Variants in NTAN1 observed in about 807,000 individuals in gnomAD.
NTAN1 encodes N-terminal asparagine amidase.
In NTAN1, 32 loss-of-function variants were observed where a neutral mutation model predicts 41.9. The ratio of observed to expected loss-of-function variants is 0.76; its 90% CI spans 0.58 to 1.03. NTAN1 has a LOEUF of 1.03. Ranked by LOEUF, NTAN1 falls within the 50% of genes least tolerant of loss-of-function variation. The pLI is 0.00. For synonymous variants in NTAN1, 140 were observed against 139.5 expected, an observed-to-expected ratio of 1.00 and a Z score of -0.03; for missense variants, 377 against 377.5, an observed-to-expected ratio of 1.00 and a Z score of 0.01.
Position 15,047,963 on chromosome 16 carries a change from G to C in NTAN1, c.184+34C>G. On this transcript the variant is annotated intron_variant, in intron 2 of 9. Transcript: ENST00000287706. Reference sequence around the variant, plus strand: ...AAAATAAAATATCCAATAGCCTTTTGGGATAACGCCCAATTCACTGCTTCC... The same window carrying C: ...AAAATAAAATATCCAATAGCCTTTTCGGATAACGCCCAATTCACTGCTTCC... 3.1e-6 allele frequency: 5 copies of C among 1,602,958 alleles called. No individual in the cohort carries two copies. In the South Asian group the frequency reaches 4.4e-5, roughly 14 times the overall value.
intron 1 of NTAN1, among the ~76,000 whole-genome samples, chr16:15,053,682 G>C (rs1416239864): frequency 1.3e-5 from 2 of 152,102 alleles, no homozygotes; most frequent in Non-Finnish European, 1.5e-5. Context: ...AGGCCGAGAC[G>C]GGCAGATCAC....
Position 15,047,394 on chromosome 16 carries a change from G to A in NTAN1, c.359+48C>T, listed in dbSNP as rs755975025. The A allele has an allele frequency of 8.7e-5, 108 of 1,235,108 alleles. 1 individual carries two copies. The East Asian group carries it at 2.1e-3, about 24-fold the overall frequency. 76.5% of individuals were successfully genotyped at this position (1,235,108 alleles called of 1,614,324 possible). ...GCTTCCACAGCCACGTCCTGTATGC[G>A]ACGGTTCCAAGATCTCAATTCACCT... On this transcript the variant is annotated intron_variant, in intron 4 of 9. Coordinates refer to ENST00000287706, the MANE Select transcript of NTAN1 (RefSeq NM_173474.4).
rs1344773153 is a variant in NTAN1 at position 15,047,840 on chromosome 16, C to T, written c.250+15G>A. 1 of 1,603,564 alleles carries T rather than the reference C, an allele frequency of 6.2e-7. No individual in the cohort carries two copies. Among genetic ancestry groups the T allele is most frequent in the Admixed American group, 1.7e-5 (1 of 60,002 alleles). On this transcript the variant is annotated intron_variant, in intron 3 of 9. Coordinates refer to ENST00000287706, the MANE Select transcript of NTAN1 (RefSeq NM_173474.4). Reference sequence around the variant, plus strand: ...TCAGTTTAAGTAATGGTTTCCTTCACCTCTCTCATCATACCTGTGTGCCTC... The same window carrying T: ...TCAGTTTAAGTAATGGTTTCCTTCATCTCTCTCATCATACCTGTGTGCCTC...
intron 1 of NTAN1, among the ~76,000 whole-genome samples, chr16:15,054,477 T>C (rs987081830): frequency 9.2e-5 from 14 of 152,180 alleles, no homozygotes; most frequent in Non-Finnish European, 2.9e-5. Context: ...CGGCTGAAAT[T>C]ATTTTTCCTT....
rs1340671170 is a variant in NTAN1 at position 15,051,391 on chromosome 16, C to CT, written c.82-3293dup. 2.4e-4 allele frequency among the ~76,000 whole-genome samples: 37 copies of CT among 152,372 alleles called. No individual in the cohort carries two copies. In the East Asian group the frequency reaches 3.7e-3, roughly 15 times the overall value. On this transcript the variant is annotated intron_variant, in intron 1 of 9. Transcript: ENST00000287706. ...CTTTTTTTAAACAGGGTCTTACTGT[C>CT]TCCCAGGCTGGAGTGCAGCGGCGAG...
intron 1 of NTAN1, among the ~76,000 whole-genome samples, chr16:15,053,901 A>G (rs970453636): frequency 1.3e-5 from 2 of 152,130 alleles, no homozygotes; most frequent in African/African-American, 4.8e-5. Context: ...CACAGAACAA[A>G]ACTAAGTCTC....
chr16:15,045,627 CAA>C (rs1317421215), intron 4 of NTAN1: 1 of 152,386 alleles, frequency 6.6e-6, no homozygotes, highest in Non-Finnish European at 1.5e-5. Context: ...CAAAACAAAA[CAA>C]AAAGACTGGG....
intron 1 of NTAN1, among the ~76,000 whole-genome samples, chr16:15,051,383 C>T (rs1360553395): frequency 6.6e-6 from 1 of 152,228 alleles, no homozygotes; most frequent in Non-Finnish European, 1.5e-5. Context: ...TAAACAGGGT[C>T]TTACTGTCTC....
chr16:15,047,335 C>G, intron 4 of NTAN1, 107 bp downstream of exon 4: 1 of 762,440 alleles, frequency 1.3e-6, no homozygotes, highest in South Asian at 1.5e-5. Flanking sequence ...ACGAGGCAGA[C>G]ACGGCAGTGG....
At chr16:15,054,648 CGTCA>C (rs1393074854) in intron 1 of NTAN1, among the ~76,000 whole-genome samples, 2 of 152,160 alleles carry the variant, frequency 1.3e-5, no homozygotes, top group Non-Finnish European at 2.9e-5. Flanking sequence ...GCCTTCTCCC[CGTCA>C]GTAAGTCCTT....
At chr16:15,044,717 C>T in intron 4 of NTAN1, 1 of 391,966 alleles carries the variant, frequency 2.6e-6, no homozygotes, top group Non-Finnish European at 4.6e-6. Flanking sequence ...GGTGCAGTGG[C>T]TCACATCTGT....
At chr16:15,054,174 C>T (rs2044407178) in intron 1 of NTAN1, among the ~76,000 whole-genome samples, 1 of 152,326 alleles carries the variant, frequency 6.6e-6, no homozygotes, top group East Asian at 1.9e-4. Context: ...CCTCACCCTT[C>T]TTCTCCTTTT....
At position 15,055,910 on chromosome 16, in the gene NTAN1, C is replaced by T. The variant is rs1293766885; in HGVS notation, c.62G>A (p.Arg21Gln). 1.1e-5 allele frequency: 13 copies of T among 1,232,168 alleles called. No individual in the cohort carries two copies. The highest frequency in any genetic ancestry group is 3.1e-5 in the African/African-American group (2 of 64,294). 76.3% of individuals were successfully genotyped at this position (1,232,168 alleles called of 1,614,324 possible). A position where few individuals can be genotyped will look rare whatever the true frequency, so the allele number is the denominator to read the frequency against. ...RLPQSAGDLVRAHPPLEERAR... is the reference protein window; with the variant it reads ...RLPQSAGDLVQAHPPLEERAR... ...ACTCACCTCCAAAGGCGGGTGGGCT[C>T]GGACGAGGTCCCCGGCTGACTGCGG... The change falls in exon 1 of 10, where the codon CGA becomes CAA. Residue 21 changes from arginine (R) to glutamine (Q), a missense_variant. Coordinates refer to ENST00000287706, the MANE Select transcript of NTAN1 (RefSeq NM_173474.4).
chr16:15,043,578 C>T (rs1242278593), intron 5 of NTAN1, among the ~76,000 whole-genome samples: 2 of 152,194 alleles, frequency 1.3e-5, no homozygotes, highest in African/African-American at 4.8e-5. Context: ...GCTGTACCAT[C>T]ATATGAGTAA....
chr16:15,044,661 T>C (rs1363465974), intron 4 of NTAN1: 12 of 541,400 alleles, frequency 2.2e-5, no homozygotes, highest in South Asian at 1.9e-4. Flanking sequence ...GCCGCCTCCA[T>C]GCACCAGTGG....
At chr16:15,053,834 C>G (rs921560437) in intron 1 of NTAN1, among the ~76,000 whole-genome samples, 1 of 152,154 alleles carries the variant, frequency 6.6e-6, no homozygotes, top group Non-Finnish European at 1.5e-5. Flanking sequence ...TCGCTTGAAC[C>G]TTGGGAGACA....
chr16:15,050,664 G>A (rs1443284187), intron 1 of NTAN1, among the ~76,000 whole-genome samples: 2 of 151,940 alleles, frequency 1.3e-5, no homozygotes, highest in Non-Finnish European at 2.9e-5. Flanking sequence ...GCCAGGAGGT[G>A]GAGGCTGCAG....
At chr16:15,038,514 T>C in intron 9 of NTAN1, 60 bp downstream of exon 9, 2 of 987,850 alleles carry the variant, frequency 2.0e-6, no homozygotes, top group Non-Finnish European at 3.1e-6. Context: ...CCTTTTTTTC[T>C]TACAGATGGG....
chr16:15,044,665 CCAGTGGGG>C, intron 4 of NTAN1: 1 of 534,538 alleles, frequency 1.9e-6, no homozygotes, highest in South Asian at 2.4e-5. Flanking sequence ...CCTCCATGCA[CCAGTGGGG>C]AACTTTGCTC....
Sources: allele counts gnomAD v4.1 joint callset (sites outside exome capture counted in the v4.1 genomes callset), GRCh38; gene constraint gnomAD v4.1.1; transcripts MANE v1.5; gene names NCBI Gene and HGNC (gene_info 2026-07-23, HGNC 2026-07-21).